SLC20A2: variants seen among roughly 807,000 people sequenced by gnomAD.
SLC20A2 encodes sodium-dependent phosphate transporter 2.
Under a neutral mutation model 61.0 loss-of-function variants are expected in SLC20A2, and 30 were observed. The observed-to-expected ratio is 0.49, with a 90% CI of 0.37 to 0.67. The LOEUF (loss-of-function observed/expected upper bound fraction) is 0.67. SLC20A2 is among the 30% of genes least tolerant of loss of function. The probability of loss-of-function intolerance (pLI) is 0.00; values close to 1 mark genes in which losing one functional copy is unlikely to be tolerated. For synonymous variants in SLC20A2, 351 were observed against 353.3 expected, an observed-to-expected ratio of 0.99 and a Z score of 0.07; for missense variants, 626 against 866.4, an observed-to-expected ratio of 0.72 and a Z score of 3.48.
At chr8:42,450,897 T>A (rs1326173070) in intron 5 of SLC20A2, among the ~76,000 whole-genome samples, 2 of 152,220 alleles carry the variant, frequency 1.3e-5, no homozygotes, top group South Asian at 4.1e-4. Flanking sequence ...GACCCTGTTT[T>A]GAATCCAGCT....
At chr8:42,522,693 A>T (rs1181090553) in intron 1 of SLC20A2, among the ~76,000 whole-genome samples, 1 of 74,712 alleles carries the variant, frequency 1.3e-5, no homozygotes, top group Admixed American at 1.4e-4. Flanking sequence ...AAAAAAAGGT[A>T]TTATTGTAGC....
At chr8:42,498,448 AT>A (rs1037167405) in intron 1 of SLC20A2, among the ~76,000 whole-genome samples, 1 of 150,606 alleles carries the variant, frequency 6.6e-6, no homozygotes, top group Non-Finnish European at 1.5e-5. Context: ...TCATTTTCAC[AT>A]TTTTTTTTCT....
intron 10 of SLC20A2, among the ~76,000 whole-genome samples, chr8:42,419,238 A>T (rs1163125103): frequency 6.6e-6 from 1 of 152,058 alleles, no homozygotes; most frequent in Non-Finnish European, 1.5e-5. Context: ...TCTGCTAAAG[A>T]TTTCACAATC....
intron 1 of SLC20A2, among the ~76,000 whole-genome samples, chr8:42,492,655 T>C (rs1809606206): frequency 1.3e-5 from 2 of 152,168 alleles, no homozygotes; most frequent in African/African-American, 4.8e-5. Flanking sequence ...TAGCACATGA[T>C]TCCAGATTCC....
At chr8:42,461,234 C>T (rs1806672837) in intron 4 of SLC20A2, among the ~76,000 whole-genome samples, 1 of 152,086 alleles carries the variant, frequency 6.6e-6, no homozygotes, top group Non-Finnish European at 1.5e-5. Flanking sequence ...GCATGAGTGA[C>T]ACAGCCAGCT....
chr8:42,485,839 G>T (rs1416937607), intron 1 of SLC20A2, among the ~76,000 whole-genome samples: 2 of 143,690 alleles, frequency 1.4e-5, no homozygotes, highest in Admixed American at 1.4e-4. Context: ...CCAGCTACTC[G>T]AGAGGCTGAG....
chr8:42,455,796 C>T lies in SLC20A2; in HGVS notation c.613+4100G>A, dbSNP rs530460565. ...AGACCCCAGGGCTCAGGACTGGAGG[C>T]ATGGTTCAAATTCTGGTTCTGCATC... On this transcript the variant is annotated intron_variant, in intron 5 of 10. Coordinates refer to ENST00000520262, the MANE Select transcript of SLC20A2 (RefSeq NM_001257180.2). 3.3e-5 allele frequency among the ~76,000 whole-genome samples: 5 copies of T among 152,248 alleles called. 1 individual carries two copies. Among genetic ancestry groups the T allele is most frequent in the Admixed American group, 1.3e-4 (2 of 15,280 alleles).
At chr8:42,452,513 G>GGAAGAGATAAAGAGGAGGAGGAA (rs1489687711) in intron 5 of SLC20A2, among the ~76,000 whole-genome samples, 1 of 150,830 alleles carries the variant, frequency 6.6e-6, no homozygotes, top group Non-Finnish European at 1.5e-5. Context: ...AAGAGGAGGA[G>GGAAGAGATAAAGAGGAGGAGGAA]GAAGAGATAA....
In SLC20A2 at chr8:42,417,828, A is replaced by T. The variant is rs115580154; in HGVS notation, c.1934T>A (p.Met645Lys). 1.5e-4 allele frequency: 238 copies of T among 1,614,116 alleles called. 3 individuals are homozygous for T. In the East Asian group the frequency reaches 5.0e-3, roughly 34 times the overall value. The change falls in exon 11 of 11, where the codon ATG becomes AAG. Residue 645 changes from methionine to lysine, a missense_variant. Met to Lys is a moderately conservative substitution (Grantham distance 95, BLOSUM62 -1). Coordinates refer to ENST00000520262, the MANE Select transcript of SLC20A2 (RefSeq NM_001257180.2). ...LFSAAVMALL[M>K]YGILPYV The stretch of plus-strand genomic sequence containing the variant: ...TCACACATATGGAAGGATCCCATAC[A>T]TGAGAAGAGCCATGACAGCAGCGCT...
chr8:42,471,606 C>G (rs1420590532), intron 2 of SLC20A2, among the ~76,000 whole-genome samples: 1 of 152,134 alleles, frequency 6.6e-6, no homozygotes, highest in Non-Finnish European at 1.5e-5. Context: ...TATTTGGTAA[C>G]TTCTTTAGAA....
chr8:42,451,040 G>A (rs981237834), intron 5 of SLC20A2, among the ~76,000 whole-genome samples: 1 of 152,148 alleles, frequency 6.6e-6, no homozygotes, highest in African/African-American at 2.4e-5. Flanking sequence ...GAGGCCTTCT[G>A]AGTGCAGGGC....
intron 3 of SLC20A2, chr8:42,463,308 C>G (rs1171778991): frequency 1.0e-5 from 4 of 393,030 alleles, no homozygotes; most frequent in Non-Finnish European, 1.8e-5. Context: ...CAGTCACACA[C>G]CACTGACCAC....
At chr8:42,516,949 A>G (rs958233545) in intron 1 of SLC20A2, among the ~76,000 whole-genome samples, 2 of 152,182 alleles carry the variant, frequency 1.3e-5, no homozygotes, top group East Asian at 1.9e-4. Flanking sequence ...CTGTGCCTCA[A>G]TAAACTCTGA....
intron 5 of SLC20A2, among the ~76,000 whole-genome samples, chr8:42,448,897 A>C (rs572060867): frequency 3.9e-5 from 6 of 152,324 alleles, no homozygotes; most frequent in African/African-American, 1.4e-4. Flanking sequence ...TGCATGTGAA[A>C]AAAGTAAACT....
chr8:42,460,308 G>A (rs1001243059), intron 4 of SLC20A2: 8 of 232,076 alleles, frequency 3.4e-5, no homozygotes, highest in South Asian at 2.2e-4. Flanking sequence ...AGCCGGTTCC[G>A]GAGGACCAAA....
chr8:42,473,932 A>G (rs1241143248), intron 1 of SLC20A2, among the ~76,000 whole-genome samples: 1 of 152,198 alleles, frequency 6.6e-6, no homozygotes, highest in Non-Finnish European at 1.5e-5. Context: ...GAACTCTGGG[A>G]GGCCGAGGTG....
Position 42,472,038 on chromosome 8 carries a change from A to T in SLC20A2, c.289+64T>A. ...AAAATCACATTTATGGATATGGGCA[A>T]AGTACTGCAGGGAAGCGGGTCAGTG... On this transcript the variant is annotated intron_variant, in intron 2 of 10. Coordinates refer to ENST00000520262, the MANE Select transcript of SLC20A2 (RefSeq NM_001257180.2). This position sits in a 1 kb window ranked among gnomAD's most constrained non-coding sequence, Gnocchi z 4.1. The T allele has an allele frequency of 6.8e-7, 1 of 1,461,376 alleles. No homozygotes were observed. The allele number at this position is 1,461,376 out of a possible 1,614,324, so 90.5% of individuals were successfully genotyped here. A position where few individuals can be genotyped will look rare whatever the true frequency, so the allele number is the denominator to read the frequency against.
intron 1 of SLC20A2, among the ~76,000 whole-genome samples, chr8:42,517,154 T>C (rs1032762157): frequency 2.0e-5 from 3 of 152,344 alleles, no homozygotes; most frequent in African/African-American, 7.2e-5. Context: ...ACCTGGAAAT[T>C]AGATAAACTT....
At position 42,472,853 on chromosome 8, in the gene SLC20A2, A is replaced by G. The variant is rs570098135; in HGVS notation, c.-264-199T>C. On this transcript the variant is annotated intron_variant, in intron 1 of 10. Transcript: ENST00000520262. This position sits in a 1 kb window ranked among gnomAD's most constrained non-coding sequence, Gnocchi z 4.1. ...AAACACAAAAAAACCTGCTTTCTAG[A>G]ATTGTCAGGAGTTGAAGCATGCTTA... Among the ~76,000 whole-genome samples the G allele has an allele frequency of 7.7e-4, 117 of 152,330 alleles. No homozygotes were observed. Among genetic ancestry groups the G allele is most frequent in the African/African-American group, 2.5e-3 (102 of 41,582 alleles).
Sources: allele counts gnomAD v4.1 joint callset (sites outside exome capture counted in the v4.1 genomes callset), GRCh38; gene constraint gnomAD v4.1.1; non-coding constraint Gnocchi (gnomAD v3.1); transcripts MANE v1.5; gene names NCBI Gene and HGNC (gene_info 2026-07-23, HGNC 2026-07-21).